PDGFRA: variants seen among roughly 807,000 people sequenced by gnomAD.
The protein encoded by PDGFRA is platelet-derived growth factor receptor alpha.
PDGFRA carries 25 observed loss-of-function variants against 121.5 expected under a neutral mutation model. That is an observed-to-expected ratio of 0.21 (90% CI 0.15 to 0.29). The LOEUF (loss-of-function observed/expected upper bound fraction) is 0.29, where lower values mean the gene tolerates loss of function less well. Among genes scored for constraint, PDGFRA ranks in the 10% least tolerant of loss-of-function variants. The probability of loss-of-function intolerance (pLI) is 1.00; values close to 1 mark genes in which losing one functional copy is unlikely to be tolerated. For missense variants in PDGFRA, 1,008 were observed against 1,345.1 expected (o/e 0.75, Z 3.92); for synonymous variants, 463 against 494.8 (o/e 0.94, Z 0.85).
At chr4:54,294,856 G>C (rs1351667924) in intron 22 of PDGFRA, among the ~76,000 whole-genome samples, 1 of 152,194 alleles carries the variant, frequency 6.6e-6, no homozygotes, top group South Asian at 2.1e-4. Context: ...CACTAGGATT[G>C]AGTAGGGAAA....
In PDGFRA at chr4:54,264,947, A is replaced by G. The variant is rs1722951842; in HGVS notation, c.657A>G (p.Glu219=). ...KATSELDLEM[E]ALKTVYKSGE... ...CATCAGAGCTGGATCTAGAAATGGAAGCTCTTAAAACCGTGTATAAGTCAG... is the reference window on the plus strand; with the variant it reads ...CATCAGAGCTGGATCTAGAAATGGAGGCTCTTAAAACCGTGTATAAGTCAG... The change falls in exon 5 of 23, where the codon GAA becomes GAG. Residue 219 remains glutamate (E), a synonymous_variant. Coordinates refer to ENST00000257290, the MANE Select transcript of PDGFRA (RefSeq NM_006206.6). The G allele has an allele frequency of 1.2e-6, 2 of 1,613,458 alleles. No individual in the cohort carries two copies. Among genetic ancestry groups the G allele is most frequent in the East Asian group, 2.2e-5 (1 of 44,878 alleles).
rs2110257934 is a variant in PDGFRA at position 54,264,973 on chromosome 4, G to A, written c.683G>A (p.Gly228Glu). 1 of 1,613,444 alleles carries A rather than the reference G, an allele frequency of 6.2e-7. No individual in the cohort carries two copies. The highest frequency in any genetic ancestry group is 8.5e-7 in the Non-Finnish European group (1 of 1,179,484). Residue 228 changes from glycine (G) to glutamate (E), a missense_variant, in exon 5 of 23, where the codon GGG (glycine) becomes GAG (glutamate). By Grantham distance (98) the Gly-to-Glu change is moderately conservative (BLOSUM62 -2). Transcript: ENST00000257290. ...MEALKTVYKS[G>E]ETIVVTCAVF... ...GCTCTTAAAACCGTGTATAAGTCAG[G>A]GGAAACGATTGTGGTCACCTGTGCT...
intron 4 of PDGFRA, 120 bp downstream of exon 4, chr4:54,264,047 G>C (rs1045357790): frequency 2.3e-6 from 2 of 881,806 alleles, no homozygotes; most frequent in African/African-American, 3.4e-5. Flanking sequence ...TCTGATTTGG[G>C]GATTTAGGAC....
intron 2 of PDGFRA, 89 bp downstream of exon 2, chr4:54,258,906 C>A: frequency 1.0e-6 from 1 of 994,142 alleles, no homozygotes; most frequent in Non-Finnish European, 1.6e-6. Flanking sequence ...CAGTACTCTG[C>A]ATACACAGTC....
intron 1 of PDGFRA, chr4:54,230,290 C>CGCGG (rs1033417081): frequency 3.3e-5 from 5 of 151,824 alleles, no homozygotes; most frequent in African/African-American, 1.2e-4. Context: ...ACAGCGGCGG[C>CGCGG]GCGGGCGGGC....
At chr4:54,268,981 T>C (rs1381469359) in intron 7 of PDGFRA, among the ~76,000 whole-genome samples, 3 of 152,186 alleles carry the variant, frequency 2.0e-5, no homozygotes, top group African/African-American at 7.2e-5. Context: ...GTTCCTGTTA[T>C]GAGCCAGTGA....
At chr4:54,246,871 A>T (rs1444609391) in intron 1 of PDGFRA, among the ~76,000 whole-genome samples, 1 of 152,128 alleles carries the variant, frequency 6.6e-6, no homozygotes, top group Admixed American at 6.6e-5. Flanking sequence ...GCAAAAAAAA[A>T]AATGATAAAG....
chr4:54,279,102 C>G (rs1477286112), intron 15 of PDGFRA: 1 of 292,966 alleles, frequency 3.4e-6, no homozygotes. Flanking sequence ...CCACACGGCT[C>G]AAGTTCCAAC....
At chr4:54,240,098 C>T (rs1187389437) in intron 1 of PDGFRA, 1 of 403,668 alleles carries the variant, frequency 2.5e-6, no homozygotes, top group Non-Finnish European at 5.1e-6. Flanking sequence ...AATGATCTGC[C>T]TGCCTCAGCT....
intron 15 of PDGFRA, chr4:54,278,918 A>G (rs1240954065): frequency 8.7e-6 from 4 of 459,832 alleles, no homozygotes; most frequent in African/African-American, 2.0e-5. Flanking sequence ...AATGACGTCA[A>G]TGATAGTGAT....
chr4:54,274,393 T>A, intron 10 of PDGFRA, 138 bp from the exon 11 acceptor site: 1 of 720,216 alleles, frequency 1.4e-6, no homozygotes, highest in Non-Finnish European at 2.5e-6. Context: ...TGCCTATCCC[T>A]AAAATGAACC....
chr4:54,264,671 G>A, intron 4 of PDGFRA: 3 of 421,256 alleles, frequency 7.1e-6, no homozygotes, highest in South Asian at 4.4e-5. Flanking sequence ...GAGGAATGCG[G>A]TGTTCTGTTT....
intron 1 of PDGFRA, among the ~76,000 whole-genome samples, chr4:54,234,756 C>A (rs1720919214): frequency 6.6e-6 from 1 of 152,208 alleles, no homozygotes; most frequent in South Asian, 2.1e-4. Flanking sequence ...TATGTCGGGG[C>A]CTTGGTGACC....
At chr4:54,233,704 C>T (rs1216507539) in intron 1 of PDGFRA, among the ~76,000 whole-genome samples, 1 of 152,146 alleles carries the variant, frequency 6.6e-6, no homozygotes, top group Non-Finnish European at 1.5e-5. Flanking sequence ...AATGGGACGT[C>T]CTTGTAATTC....
chr4:54,232,874 C>A (rs4635872), intron 1 of PDGFRA, among the ~76,000 whole-genome samples: 37,884 of 152,186 alleles, frequency 0.25, 5,063 homozygotes, highest in Admixed American at 0.33. Context: ...GCGTAAGCCA[C>A]CGCGCCCGGC....
intron 1 of PDGFRA, among the ~76,000 whole-genome samples, chr4:54,247,415 A>G (rs1196775769): frequency 1.3e-5 from 2 of 152,238 alleles, no homozygotes; most frequent in Non-Finnish European, 2.9e-5. Context: ...CTGGTTCAAT[A>G]TACCCAAATC....
chr4:54,231,261 G>C (rs1720647921), intron 1 of PDGFRA, among the ~76,000 whole-genome samples: 1 of 152,230 alleles, frequency 6.6e-6, no homozygotes, highest in South Asian at 2.1e-4. Context: ...ACCGCCCCGC[G>C]TCCGAAAAGC....
At position 54,288,806 on chromosome 4, in the gene PDGFRA, C is replaced by A. The variant is rs951449551; in HGVS notation, c.2682C>A (p.Thr894=). ...LLWEIFSLGG[T]PYPGMMVDST... ...TTATTGTTTGGCTTTTAGGTGGCAC[C>A]CCTTACCCCGGCATGATGGTGGATT... Residue 894 remains threonine, a synonymous_variant, in exon 20 of 23, where the codon ACC becomes ACA. Coordinates refer to ENST00000257290, the MANE Select transcript of PDGFRA (RefSeq NM_006206.6). The A allele has an allele frequency of 6.2e-7, 1 of 1,607,986 alleles. No individual in the cohort carries two copies. The highest frequency in any genetic ancestry group is 8.5e-7 in the Non-Finnish European group (1 of 1,174,404).
rs71200381 is a variant in PDGFRA, at chr4:54,293,907, TTGTGTGTGTG to T, written c.3123-1192_3123-1183del. ...GCCCCTAGTTCAAGGTCCAAGTTGC[TTGTGTGTGTG>T]TGTGTGTGTGTGTGTGTGTGTGTGT... On this transcript the variant is annotated intron_variant, in intron 22 of 22. Coordinates refer to ENST00000257290, the MANE Select transcript of PDGFRA (RefSeq NM_006206.6). Among the ~76,000 whole-genome samples, 6 of 142,556 alleles carry T rather than the reference TTGTGTGTGTG, an allele frequency of 4.2e-5. No homozygotes were observed. The East Asian group carries it at 8.4e-4, about 20-fold the overall frequency. The allele number at this position is 142,556 out of a possible 152,430, so 93.5% of individuals were successfully genotyped here.
Sources: allele counts gnomAD v4.1 joint callset (sites outside exome capture counted in the v4.1 genomes callset), GRCh38; gene constraint gnomAD v4.1.1; transcripts MANE v1.5; gene names NCBI Gene and HGNC (gene_info 2026-07-23, HGNC 2026-07-21).